The following TCF12 variants were observed in gnomAD, a reference collection of about 807,000 sequenced individuals.
TCF12 encodes DNA-binding protein HTF4.
Under a neutral mutation model 86.0 loss-of-function variants are expected in TCF12, and 45 were observed. The observed-to-expected ratio is 0.52, with a 90% CI of 0.41 to 0.67. The LOEUF is 0.67. Ranked by LOEUF, TCF12 falls within the 30% of genes least tolerant of loss-of-function variation. TCF12 has a pLI of 0.00. For missense variants in TCF12, 881 were observed against 859.9 expected, an observed-to-expected ratio of 1.02 and a Z score of -0.31; for synonymous variants, 330 against 299.6, an observed-to-expected ratio of 1.10 and a Z score of -1.05.
downstream of TCF12, chr15:57,291,205 TATA>T (rs1422820837): frequency 6.6e-6 from 1 of 152,184 alleles, no homozygotes; most frequent in East Asian, 1.9e-4. Context: ...ATGGCCTTTA[TATA>T]AAAGGGCACG....
intron 4 of TCF12, among the ~76,000 whole-genome samples, chr15:57,085,872 C>T (rs766463814): frequency 1.6e-4 from 25 of 151,938 alleles, no homozygotes; most frequent in Non-Finnish European, 2.8e-4. Context: ...TGTAAGATTT[C>T]GGTAATTGGT....
chr15:57,077,185 G>A (rs892970063), intron 4 of TCF12, among the ~76,000 whole-genome samples: 3 of 151,976 alleles, frequency 2.0e-5, no homozygotes, highest in Non-Finnish European at 4.4e-5. Flanking sequence ...CAGTTTCTAC[G>A]AAGCTGTGTA....
intron 5 of TCF12, among the ~76,000 whole-genome samples, chr15:57,093,487 A>G: frequency 6.6e-6 from 1 of 152,164 alleles, no homozygotes; most frequent in East Asian, 1.9e-4. Flanking sequence ...TTCTTCACTC[A>G]TAGAGATGAC....
intron 3 of TCF12, among the ~76,000 whole-genome samples, chr15:57,003,633 G>A (rs557567906): frequency 6.6e-6 from 1 of 152,330 alleles, no homozygotes; most frequent in East Asian, 1.9e-4. Context: ...CCTATTCGTT[G>A]TCTGCTGGGA....
At chr15:57,104,760 T>C (rs942759898) in intron 5 of TCF12, among the ~76,000 whole-genome samples, 1 of 151,440 alleles carries the variant, frequency 6.6e-6, no homozygotes, top group African/African-American at 2.4e-5. Flanking sequence ...TGTTTAACTT[T>C]TACTTGGTCT....
chr15:57,052,434 TAA>T (rs2067697677), intron 3 of TCF12, among the ~76,000 whole-genome samples: 1 of 151,948 alleles, frequency 6.6e-6, no homozygotes. Flanking sequence ...GGTCAGGAGT[TAA>T]AGACAGCCTG....
intron 5 of TCF12, among the ~76,000 whole-genome samples, chr15:57,131,498 C>G (rs2052116471): frequency 6.6e-6 from 1 of 152,176 alleles, no homozygotes; most frequent in African/African-American, 2.4e-5. Flanking sequence ...TCCAATATTA[C>G]TGTTTTTACT....
At chr15:56,928,908 A>G (rs556418363) in intron 3 of TCF12, among the ~76,000 whole-genome samples, 59 of 152,332 alleles carry the variant, frequency 3.9e-4, no homozygotes, top group Non-Finnish European at 6.6e-4. Context: ...TCTCTAGGGT[A>G]GAACGTATTC....
intron 3 of TCF12, among the ~76,000 whole-genome samples, chr15:57,054,316 T>C (rs1733875130): frequency 6.6e-6 from 1 of 152,220 alleles, no homozygotes; most frequent in South Asian, 2.1e-4. Context: ...TTCATTAAAA[T>C]GTACTTGATA....
chr15:57,203,394 T>G (rs1262708351), intron 8 of TCF12, among the ~76,000 whole-genome samples: 1 of 152,322 alleles, frequency 6.6e-6, no homozygotes, highest in African/African-American at 2.4e-5. Context: ...CATAGATCAT[T>G]TTCTTTTATG....
At chr15:57,102,517 G>C (rs1250107121) in intron 5 of TCF12, among the ~76,000 whole-genome samples, 1 of 151,750 alleles carries the variant, frequency 6.6e-6, no homozygotes, top group Non-Finnish European at 1.5e-5. Flanking sequence ...AGAATCACTT[G>C]AACCCAGGAG....
Position 57,050,282 on chromosome 15 carries a change from A to G in TCF12, c.149-13468A>G, listed in dbSNP as rs530205170. Among the ~76,000 whole-genome samples the G allele has an allele frequency of 3.3e-5, 5 of 151,972 alleles. No homozygotes were observed. The East Asian group carries it at 9.7e-4, about 29-fold the overall frequency. On this transcript the variant is annotated intron_variant, in intron 3 of 20. Coordinates refer to ENST00000333725, the MANE Select transcript of TCF12 (RefSeq NM_207037.2). ...CTTTTTTTTTATAGTTGTGAATTTTATCTGGTATTATTTTCCTTCAGCCTA... is the reference window on the plus strand; with the variant it reads ...CTTTTTTTTTATAGTTGTGAATTTTGTCTGGTATTATTTTCCTTCAGCCTA...
At chr15:57,247,881 C>A in intron 13 of TCF12, 1 of 761,460 alleles carries the variant, frequency 1.3e-6, no homozygotes, top group Non-Finnish European at 2.4e-6. Context: ...CCCCATTTCT[C>A]AAAATGTCTC....
chr15:57,026,454 T>C (rs1257164509), intron 3 of TCF12, among the ~76,000 whole-genome samples: 1 of 152,228 alleles, frequency 6.6e-6, no homozygotes, highest in African/African-American at 2.4e-5. Flanking sequence ...TTGGTAGGAC[T>C]CTTGTAGAAG....
At chr15:57,046,633 T>G (rs2067249570) in intron 3 of TCF12, among the ~76,000 whole-genome samples, 1 of 152,146 alleles carries the variant, frequency 6.6e-6, no homozygotes, top group Non-Finnish European at 1.5e-5. Flanking sequence ...TTTGATTTTT[T>G]TTTAGCAGAG....
intron 16 of TCF12, among the ~76,000 whole-genome samples, chr15:57,256,654 C>T (rs906080245): frequency 4.1e-5 from 6 of 147,840 alleles, no homozygotes; most frequent in Non-Finnish European, 7.4e-5. Context: ...TTTTGGGCTC[C>T]TAATAATGGA....
chr15:56,977,748 G>A (rs1002876138), intron 3 of TCF12, among the ~76,000 whole-genome samples: 3 of 152,192 alleles, frequency 2.0e-5, no homozygotes, highest in Middle Eastern at 3.2e-3. Flanking sequence ...CTAAACGTTA[G>A]AAATGTGTTT....
At chr15:57,234,494 T>C (rs1285350967) in intron 12 of TCF12, among the ~76,000 whole-genome samples, 2 of 152,196 alleles carry the variant, frequency 1.3e-5, no homozygotes, top group African/African-American at 4.8e-5. Flanking sequence ...TTTTATGTAC[T>C]GTATTTTTTT....
chr15:56,940,583 T>TC (rs2060706398), intron 3 of TCF12, among the ~76,000 whole-genome samples: 2 of 143,742 alleles, frequency 1.4e-5, no homozygotes, highest in African/African-American at 5.2e-5. Flanking sequence ...TTCTTCTCCT[T>TC]CTCCTCCTCC....
Sources: gnomAD v4.1 joint callset for allele counts (sites outside exome capture counted in the v4.1 genomes callset) on GRCh38, gnomAD v4.1.1 for gene constraint, MANE v1.5 for transcripts, NCBI Gene and HGNC (gene_info 2026-07-23, HGNC 2026-07-21) for gene names.